SYT2: variants seen among roughly 807,000 people sequenced by gnomAD.
SYT2 encodes the protein synaptotagmin-2.
A neutral mutation model predicts 39.9 loss-of-function variants in SYT2; 15 were observed. The ratio of observed to expected loss-of-function variants is 0.38; its 90% CI spans 0.25 to 0.58. The LOEUF is 0.58. SYT2 is among the 20% of genes least tolerant of loss of function. The pLI is 0.70. For missense variants in SYT2, 389 were observed against 530.3 expected, an observed-to-expected ratio of 0.73 and a Z score of 2.62; for synonymous variants, 181 against 204.5, an observed-to-expected ratio of 0.89 and a Z score of 0.98.
At chr1:202,638,228 C>T (rs1222624118) in intron 1 of SYT2, among the ~76,000 whole-genome samples, 3 of 152,228 alleles carry the variant, frequency 2.0e-5, no homozygotes, top group Non-Finnish European at 4.4e-5. Flanking sequence ...TGGGGAAAGG[C>T]TGTGGGCTTT....
chr1:202,682,665 C>G (rs182945532), intron 1 of SYT2, among the ~76,000 whole-genome samples: 1 of 152,142 alleles, frequency 6.6e-6, no homozygotes, highest in African/African-American at 2.4e-5. Flanking sequence ...ACAACTGAGG[C>G]ACGGGCTCTC....
intron 2 of SYT2, among the ~76,000 whole-genome samples, chr1:202,604,891 A>AGGT (rs1413019701): frequency 2.4e-5 from 3 of 126,082 alleles, no homozygotes; most frequent in Admixed American, 1.1e-4. Flanking sequence ...GGTAGCAACC[A>AGGT]GGTGGATGCA....
At chr1:202,624,757 TGTG>T (rs1691317570) in intron 1 of SYT2, among the ~76,000 whole-genome samples, 1 of 103,524 alleles carries the variant, frequency 9.7e-6, no homozygotes, top group Non-Finnish European at 1.9e-5. Flanking sequence ...GGGTGTGTGG[TGTG>T]TGTGTGGTGT....
intron 1 of SYT2, among the ~76,000 whole-genome samples, chr1:202,666,565 T>C (rs1692485044): frequency 6.6e-6 from 1 of 152,194 alleles, no homozygotes; most frequent in African/African-American, 2.4e-5. Flanking sequence ...TTCAGAGGTA[T>C]GTCACAGACG....
chr1:202,671,581 C>A (rs1303235119), intron 1 of SYT2, among the ~76,000 whole-genome samples: 1 of 152,240 alleles, frequency 6.6e-6, no homozygotes, highest in Non-Finnish European at 1.5e-5. Flanking sequence ...CAGGAGGAAA[C>A]TGCTGAGAAA....
intron 1 of SYT2, among the ~76,000 whole-genome samples, chr1:202,687,011 T>C (rs1321527943): frequency 6.6e-6 from 1 of 152,146 alleles, no homozygotes; most frequent in Non-Finnish European, 1.5e-5. Flanking sequence ...TGACAATCTA[T>C]ATTCACTTAC....
intron 1 of SYT2, among the ~76,000 whole-genome samples, chr1:202,666,140 G>A (rs367630742): frequency 2.9e-5 from 4 of 138,796 alleles, no homozygotes; most frequent in Admixed American, 7.4e-5. Context: ...GCGACAGAGC[G>A]AGACTCCGTC....
rs1265568030 is a variant in SYT2 at position 202,599,539 on chromosome 1, A to G, written c.920-188T>C. ...GCAAAAGGCTTCACCTCCAGGACCA[A>G]CTGTGACCAGTTGGTTGTGGCTTCC... On this transcript the variant is annotated intron_variant, in intron 7 of 8. Transcript: ENST00000367268. This position sits in a 1 kb window ranked among gnomAD's most constrained non-coding sequence, Gnocchi z 4.4. Among the ~76,000 whole-genome samples, 1 of 152,082 alleles carries G rather than the reference A, an allele frequency of 6.6e-6. No individual in the cohort carries two copies. Among genetic ancestry groups the G allele is most frequent in the Non-Finnish European group, 1.5e-5 (1 of 68,000 alleles).
intron 1 of SYT2, among the ~76,000 whole-genome samples, chr1:202,677,134 T>C (rs891540439): frequency 2.6e-5 from 4 of 152,222 alleles, no homozygotes; most frequent in African/African-American, 9.6e-5. Context: ...TGTGAGTTGA[T>C]GAAATCTCTC....
intron 1 of SYT2, among the ~76,000 whole-genome samples, chr1:202,699,869 T>C (rs1221634918): frequency 6.6e-6 from 1 of 151,844 alleles, no homozygotes; most frequent in African/African-American, 2.4e-5. Flanking sequence ...CACCGTTGAG[T>C]TGATTGCTTG....
rs1690516425 is a variant in SYT2 at position 202,601,902 on chromosome 1, C to T, written c.789G>A (p.Gly263=). The change falls in exon 6 of 9, where the codon GGG becomes GGA. Residue 263 remains glycine, a synonymous_variant. Transcript: ENST00000367268. This position sits in a 1 kb window ranked among gnomAD's most constrained non-coding sequence, Gnocchi z 4.0. ...PIEEWRDLQG[G]EKEEPEKLGD... ...TCTCTGCTCTTACCTCCTCCTTTTCCCCGCCTTGCAGGTCTCTCCACTCCT... is the reference window on the plus strand; with the variant it reads ...TCTCTGCTCTTACCTCCTCCTTTTCTCCGCCTTGCAGGTCTCTCCACTCCT... 1 of 1,613,890 alleles carries T rather than the reference C, an allele frequency of 6.2e-7. No homozygotes were observed. The highest frequency in any genetic ancestry group is 8.5e-7 in the Non-Finnish European group (1 of 1,179,926).
At chr1:202,679,135 C>T (rs954591461) in intron 1 of SYT2, among the ~76,000 whole-genome samples, 3 of 152,214 alleles carry the variant, frequency 2.0e-5, no homozygotes, top group African/African-American at 4.8e-5. Flanking sequence ...CTCCGCTCAG[C>T]TTCTTCTCCT....
intron 1 of SYT2, among the ~76,000 whole-genome samples, chr1:202,663,844 C>A (rs1454106136): frequency 6.6e-6 from 1 of 152,108 alleles, no homozygotes; most frequent in Non-Finnish European, 1.5e-5. Context: ...GCTGCTCTGT[C>A]TACTGGGCTC....
chr1:202,682,243 G>A (rs140002550), intron 1 of SYT2, among the ~76,000 whole-genome samples: 168 of 152,338 alleles, frequency 1.1e-3, no homozygotes, highest in African/African-American at 3.9e-3. Context: ...GCAATCTGAC[G>A]ACAGGGTTGG....
At chr1:202,613,068 C>CTTTTTTTTT (rs146069389) in intron 1 of SYT2, among the ~76,000 whole-genome samples, 1 of 75,120 alleles carries the variant, frequency 1.3e-5, no homozygotes, top group African/African-American at 5.9e-5. Context: ...TTGGTTCTTC[C>CTTTTTTTTT]TTTTTTTTTT....
chr1:202,622,933 G>A (rs1014915312), intron 1 of SYT2, among the ~76,000 whole-genome samples: 5 of 152,200 alleles, frequency 3.3e-5, no homozygotes, highest in Non-Finnish European at 5.9e-5. Context: ...AGGCCCCAAA[G>A]GGAGGTGGCT....
chr1:202,683,740 TAA>T (rs36091072), intron 1 of SYT2, among the ~76,000 whole-genome samples: 4 of 132,538 alleles, frequency 3.0e-5, no homozygotes, highest in African/African-American at 8.5e-5. Flanking sequence ...AGACCCTGTT[TAA>T]AAAAAAAAAA....
chr1:202,633,240 C>T (rs947318311), intron 1 of SYT2, among the ~76,000 whole-genome samples: 1 of 151,990 alleles, frequency 6.6e-6, no homozygotes, highest in Non-Finnish European at 1.5e-5. Flanking sequence ...CCACTGGGTG[C>T]CCAGCTCTTT....
chr1:202,649,382 G>A (rs1412791925), intron 1 of SYT2, among the ~76,000 whole-genome samples: 1 of 152,194 alleles, frequency 6.6e-6, no homozygotes, highest in African/African-American at 2.4e-5. Context: ...TATTGATGAG[G>A]CTGACAGCAA....
Sources: gnomAD v4.1 joint callset for allele counts (sites outside exome capture counted in the v4.1 genomes callset) on GRCh38, gnomAD v4.1.1 for gene constraint, Gnocchi (gnomAD v3.1) non-coding constraint, MANE v1.5 for transcripts, NCBI Gene and HGNC (gene_info 2026-07-23, HGNC 2026-07-21) for gene names.